The following NRXN3 variants were observed in gnomAD, a reference collection of about 807,000 sequenced individuals.
The protein encoded by NRXN3 is neurexin 3.
NRXN3 carries 32 observed loss-of-function variants against 137.6 expected under a neutral mutation model. That is an observed-to-expected ratio of 0.23 (90% CI 0.18 to 0.31). The LOEUF is 0.31. NRXN3 is among the 10% of genes least tolerant of loss of function. The pLI is 1.00. For missense variants in NRXN3, 1,574 were observed against 2,062.5 expected, an observed-to-expected ratio of 0.76 and a Z score of 4.59; for synonymous variants, 798 against 784.5, an observed-to-expected ratio of 1.02 and a Z score of -0.29.
intron 8 of NRXN3, among the ~76,000 whole-genome samples, chr14:78,721,892 A>C (rs2098461741): frequency 6.6e-6 from 1 of 151,716 alleles, no homozygotes; most frequent in Admixed American, 6.6e-5. Context: ...TAAGTCATAC[A>C]AATGTATCCC....
chr14:78,849,253 T>G (rs8007270), intron 10 of NRXN3, among the ~76,000 whole-genome samples: 38,827 of 151,892 alleles, frequency 0.26, 7,782 homozygotes, highest in African/African-American at 0.55. Flanking sequence ...GATGAGAAGA[T>G]AATGTATCTT....
At chr14:78,476,517 T>C (rs1056941472) in intron 4 of NRXN3, among the ~76,000 whole-genome samples, 16 of 150,462 alleles carry the variant, frequency 1.1e-4, no homozygotes, top group Admixed American at 7.9e-4. Flanking sequence ...GGGGTCTGGT[T>C]AGAATAATTA....
chr14:79,364,130 G>A (rs2093787116), intron 15 of NRXN3, among the ~76,000 whole-genome samples: 1 of 152,088 alleles, frequency 6.6e-6, no homozygotes, highest in Non-Finnish European at 1.5e-5. Flanking sequence ...TCCTTCAACA[G>A]TCTTTCATTT....
At chr14:79,350,872 G>T (rs1293876786) in intron 15 of NRXN3, among the ~76,000 whole-genome samples, 1 of 152,130 alleles carries the variant, frequency 6.6e-6, no homozygotes, top group African/African-American at 2.4e-5. Flanking sequence ...TTATGAGATT[G>T]AGTGTTAACT....
At chr14:78,294,753 G>A (rs1225696387) in intron 3 of NRXN3, among the ~76,000 whole-genome samples, 2 of 152,070 alleles carry the variant, frequency 1.3e-5, no homozygotes, top group African/African-American at 4.8e-5. Context: ...ATCAAACCTG[G>A]CTCTGAAGTC....
chr14:78,720,279 C>G (rs1172248055), intron 8 of NRXN3, among the ~76,000 whole-genome samples: 1 of 152,208 alleles, frequency 6.6e-6, no homozygotes, highest in Non-Finnish European at 1.5e-5. Flanking sequence ...TACTTGACAT[C>G]TCCATTTGGA....
At chr14:79,670,416 A>G (rs2098600656) in intron 17 of NRXN3, among the ~76,000 whole-genome samples, 1 of 152,090 alleles carries the variant, frequency 6.6e-6, no homozygotes, top group African/African-American at 2.4e-5. Context: ...GTCACTTGCC[A>G]GCTTGCCCAC....
At chr14:78,453,394 C>G (rs967665354) in intron 4 of NRXN3, among the ~76,000 whole-genome samples, 4 of 152,120 alleles carry the variant, frequency 2.6e-5, no homozygotes, top group Admixed American at 2.6e-4. Context: ...TGATATATGC[C>G]GATTGACCAT....
intron 4 of NRXN3, among the ~76,000 whole-genome samples, chr14:78,532,333 A>G (rs12891666): frequency 0.23 from 33,928 of 150,070 alleles, 4,167 homozygotes; most frequent in Middle Eastern, 0.32. Flanking sequence ...AAAGAAAAAA[A>G]AAAAGAAAAG....
chr14:78,718,542 A>T (rs1429173329), intron 8 of NRXN3, among the ~76,000 whole-genome samples: 2 of 152,314 alleles, frequency 1.3e-5, no homozygotes, highest in East Asian at 3.9e-4. Flanking sequence ...CCTGGGAAGT[A>T]GAAAGTGTGT....
At chr14:79,048,165 A>G (rs930654835) in intron 15 of NRXN3, among the ~76,000 whole-genome samples, 1 of 152,218 alleles carries the variant, frequency 6.6e-6, no homozygotes, top group Non-Finnish European at 1.5e-5. Flanking sequence ...AAAGACACCA[A>G]AGAGTACATA....
At chr14:79,361,393 C>G (rs1021824008) in intron 15 of NRXN3, among the ~76,000 whole-genome samples, 19 of 152,094 alleles carry the variant, frequency 1.2e-4, no homozygotes, top group Admixed American at 7.2e-4. Context: ...TGCTTTCTCC[C>G]TTCCTCTGCC....
chr14:79,201,918 G>A (rs554876506), intron 15 of NRXN3, among the ~76,000 whole-genome samples: 11 of 152,248 alleles, frequency 7.2e-5, no homozygotes, highest in African/African-American at 2.4e-4. Context: ...TTGTACAGGC[G>A]AGGAAGCACG....
At chr14:79,551,658 T>G (rs2097373830) in intron 16 of NRXN3, among the ~76,000 whole-genome samples, 1 of 152,134 alleles carries the variant, frequency 6.6e-6, no homozygotes. Context: ...TGGACTCCAG[T>G]GTTTAGCTCA....
intron 15 of NRXN3, among the ~76,000 whole-genome samples, chr14:79,332,382 A>C (rs552744067): frequency 3.4e-4 from 52 of 152,254 alleles, no homozygotes; most frequent in African/African-American, 1.2e-3. Flanking sequence ...CATCTCCTAC[A>C]ACTCACCAGT....
intron 8 of NRXN3, among the ~76,000 whole-genome samples, chr14:78,727,499 G>A (rs931370538): frequency 1.6e-4 from 25 of 152,186 alleles, no homozygotes; most frequent in African/African-American, 5.8e-4. Context: ...TTCCAGCACT[G>A]TGGGAGGCCA....
intron 4 of NRXN3, among the ~76,000 whole-genome samples, chr14:78,590,281 A>C (rs1344202080): frequency 6.6e-6 from 1 of 152,178 alleles, no homozygotes; most frequent in Admixed American, 6.5e-5. Flanking sequence ...TTCTGGTCCC[A>C]GTCCACAAAG....
intron 19 of NRXN3, among the ~76,000 whole-genome samples, chr14:79,733,172 T>TA (rs2098930013): frequency 6.6e-6 from 1 of 152,208 alleles, no homozygotes. Flanking sequence ...ACAGACTCCA[T>TA]ATTCATAAAA....
intron 4 of NRXN3, among the ~76,000 whole-genome samples, chr14:78,454,520 T>C (rs1362306399): frequency 6.6e-6 from 1 of 152,228 alleles, no homozygotes; most frequent in Admixed American, 6.5e-5. Context: ...TCCCAGGTGA[T>C]TCTAATGTGT....
Sources: gnomAD v4.1 joint callset for allele counts (sites outside exome capture counted in the v4.1 genomes callset) on GRCh38, gnomAD v4.1.1 for gene constraint, MANE v1.5 for transcripts, NCBI Gene and HGNC (gene_info 2026-07-23, HGNC 2026-07-21) for gene names.